AP3B2: variants seen among roughly 807,000 people sequenced by gnomAD.
AP3B2 encodes adaptor related protein complex 3 subunit beta 2.
A neutral mutation model predicts 126.9 loss-of-function variants in AP3B2; 50 were observed. That is an observed-to-expected ratio of 0.39 (90% CI 0.31 to 0.50). AP3B2 has a LOEUF of 0.50. Among genes scored for constraint, AP3B2 ranks in the 20% least tolerant of loss-of-function variants. AP3B2 has a pLI of 0.79. For synonymous variants in AP3B2, 541 were observed against 565.0 expected (o/e 0.96, Z 0.60); for missense variants, 1,177 against 1,426.4 (o/e 0.83, Z 2.82).
intron 1 of AP3B2, among the ~76,000 whole-genome samples, chr15:82,709,248 A>C (rs1272728997): frequency 6.6e-6 from 1 of 152,148 alleles, no homozygotes; most frequent in Admixed American, 6.5e-5. Context: ...ATTTTTGGGA[A>C]GCCAACCCGC....
At chr15:82,688,474 T>G (rs1384361961) in intron 4 of AP3B2, 1 of 702,250 alleles carries the variant, frequency 1.4e-6, no homozygotes, top group African/African-American at 1.7e-5. Context: ...TGGTTCATAC[T>G]AGAAGCAGCC....
At chr15:82,661,349 C>G (rs914958969) in intron 25 of AP3B2, among the ~76,000 whole-genome samples, 1 of 152,188 alleles carries the variant, frequency 6.6e-6, no homozygotes, top group African/African-American at 2.4e-5. Context: ...TAACCATGAT[C>G]TTCCCTCCTC....
At chr15:82,701,310 C>T (rs1004652701) in intron 1 of AP3B2, among the ~76,000 whole-genome samples, 1 of 152,170 alleles carries the variant, frequency 6.6e-6, no homozygotes, top group Admixed American at 6.5e-5. Flanking sequence ...TCCCTTCAGC[C>T]TCTCTCCCAC....
intron 1 of AP3B2, among the ~76,000 whole-genome samples, chr15:82,698,333 C>G (rs1445751623): frequency 6.6e-6 from 1 of 151,950 alleles, no homozygotes; most frequent in Non-Finnish European, 1.5e-5. Context: ...CTACAAACCC[C>G]CCAGACATAT....
rs2048327166 is a variant in AP3B2, at chr15:82,680,841, T to C, written c.767A>G (p.Gln256Arg). Residue 256 changes from glutamine to arginine, a missense_variant, in exon 7 of 27, where the codon CAG becomes CGG. By Grantham distance (43) the Gln-to-Arg change is conservative. Around this residue, in one of 5 missense-constraint regions of AP3B2, gnomAD observed 103 missense variants for 101.4 expected, o/e 1.02. Coordinates refer to ENST00000535359, the MANE Select transcript of AP3B2 (RefSeq NM_001278512.2). The surrounding 1 kb of genome is among the most constrained non-coding windows in gnomAD (Gnocchi z 6.1). ...YARTQFLSPT[Q>R]NESLLEENAE... ...GCCTGGGCTGGGCCCACTTACGTTC[T>C]GGGTGGGGCTCAGGAACTGCGTGCG... The C allele has an allele frequency of 1.2e-6, 2 of 1,613,520 alleles. No homozygotes were observed. The highest frequency in any genetic ancestry group is 2.7e-5 in the African/African-American group (2 of 74,914).
intron 14 of AP3B2, among the ~76,000 whole-genome samples, chr15:82,673,962 G>GTCTA (rs2048200617): frequency 6.6e-6 from 1 of 152,122 alleles, no homozygotes; most frequent in Non-Finnish European, 1.5e-5. Flanking sequence ...TTTCCCCAGG[G>GTCTA]TCTATATCCA....
At chr15:82,700,144 C>T (rs1305043874) in intron 1 of AP3B2, among the ~76,000 whole-genome samples, 1 of 152,172 alleles carries the variant, frequency 6.6e-6, no homozygotes, top group Non-Finnish European at 1.5e-5. Context: ...TCCAATCCCA[C>T]TGCCACAATT....
intron 1 of AP3B2, among the ~76,000 whole-genome samples, chr15:82,700,555 C>T (rs922948752): frequency 6.6e-6 from 1 of 151,472 alleles, no homozygotes; most frequent in African/African-American, 2.4e-5. Context: ...TACACCACCA[C>T]ACCTGGCTAA....
At position 82,663,861 on chromosome 15, in the gene AP3B2, G is replaced by A. The variant is rs766189809; in HGVS notation, c.2376C>T (p.Ser792=). Residue 792 remains serine, a synonymous_variant, in exon 20 of 27, where the codon TCC becomes TCT. Coordinates refer to ENST00000535359, the MANE Select transcript of AP3B2 (RefSeq NM_001278512.2). ...CCTCCTCGGACTCCGATGTCATCTC[G>A]GACTCTGATGAGCTACTGCTGGAAT... The part of the protein sequence containing the change: ...GSDSSSSSSE[S]EMTSESEEEQ... 18 of 1,613,748 alleles carry A rather than the reference G, an allele frequency of 1.1e-5. No homozygotes were observed. The highest frequency in any genetic ancestry group is 6.7e-5 in the East Asian group (3 of 44,882).
At chr15:82,700,893 C>T (rs1436991921) in intron 1 of AP3B2, among the ~76,000 whole-genome samples, 1 of 150,800 alleles carries the variant, frequency 6.6e-6, no homozygotes, top group Non-Finnish European at 1.5e-5. Context: ...TGGAGTCTCA[C>T]TCCGTTGCCC....
chr15:82,680,626 CG>C lies in AP3B2; in HGVS notation c.900del (p.Asp301ThrfsTer21). ...GTGTTGCGCAGCAGCAGCCGGTGGT[CG>C]GGGTCCATGACATAGGGCTTTCGGG... ...APSRKPYVMD[P>X]DHRLLLRNTK... On this transcript the variant is annotated frameshift_variant, in exon 8 of 27. Coordinates refer to ENST00000535359, the MANE Select transcript of AP3B2 (RefSeq NM_001278512.2). LOFTEE classifies it high-confidence loss of function. This position sits in a 1 kb window ranked among gnomAD's most constrained non-coding sequence, Gnocchi z 6.1. 6.3e-7 allele frequency: 1 copy of C among 1,596,406 alleles called. No individual in the cohort carries two copies.
chr15:82,690,878 G>A (rs1262271298), intron 1 of AP3B2, among the ~76,000 whole-genome samples: 1 of 139,710 alleles, frequency 7.2e-6, no homozygotes, highest in African/African-American at 2.6e-5. Context: ...GGATGGTCTC[G>A]ATCTCCTGAC....
chr15:82,683,306 C>T (rs2048376674), intron 4 of AP3B2, among the ~76,000 whole-genome samples: 1 of 152,114 alleles, frequency 6.6e-6, no homozygotes, highest in Non-Finnish European at 1.5e-5. Context: ...ATCCACCCAC[C>T]TCGGCCACCC....
intron 1 of AP3B2, among the ~76,000 whole-genome samples, chr15:82,700,396 G>GGTTTTTTTTTTTTTT (rs1567275643): frequency 8.9e-5 from 1 of 11,270 alleles, no homozygotes. Context: ...GTGGTGGGTG[G>GGTTTTTTTTTTTTTT]CTTTTTTTTT....
At position 82,665,331 on chromosome 15, in the gene AP3B2, G is replaced by A. The variant is rs2048032890; in HGVS notation, c.1972-28C>T. 1.9e-6 allele frequency: 3 copies of A among 1,584,874 alleles called. No homozygotes were observed. The South Asian group carries it at 3.4e-5, about 18-fold the overall frequency. On this transcript the variant is annotated intron_variant, in intron 16 of 26. Coordinates refer to ENST00000535359, the MANE Select transcript of AP3B2 (RefSeq NM_001278512.2). The surrounding 1 kb of genome is among the most constrained non-coding windows in gnomAD (Gnocchi z 4.4). ...GTGTGTGTGGGGGAGGGTGTTAGGA[G>A]GGCTGGGCCGGCACTGCCAGGGCTC...
intron 4 of AP3B2, among the ~76,000 whole-genome samples, chr15:82,683,246 A>C (rs2048375135): frequency 6.6e-6 from 1 of 151,370 alleles, no homozygotes; most frequent in Non-Finnish European, 1.5e-5. Context: ...TTTAGTAGAG[A>C]CGGGGTTTCA....
Position 82,680,917 on chromosome 15 carries a change from CGTCGATCAGCAGGT to C in AP3B2, c.677_690del (p.Asn226SerfsTer53). 1 of 1,613,970 alleles carries C rather than the reference CGTCGATCAGCAGGT, an allele frequency of 6.2e-7. No homozygotes were observed. Among genetic ancestry groups the C allele is most frequent in the African/African-American group, 1.3e-5 (1 of 75,028 alleles). On this transcript the variant is annotated frameshift_variant, in exon 7 of 27. Transcript: ENST00000535359. LOFTEE classifies it high-confidence loss of function. This position sits in a 1 kb window ranked among gnomAD's most constrained non-coding sequence, Gnocchi z 6.1. ...ATGACCACCTGGCCCCACTCCTCCA[CGTCGATCAGCAGGT>C]TACAGAGTTTCCGGTAGTTTTTGTG...
At chr15:82,686,008 A>G (rs1336104122) in intron 4 of AP3B2, 1 of 152,244 alleles carries the variant, frequency 6.6e-6, no homozygotes, top group African/African-American at 2.4e-5. Context: ...TACTTGGAGA[A>G]GGTTTATTAA....
chr15:82,690,940 GC>G (rs1422505613), intron 1 of AP3B2, among the ~76,000 whole-genome samples: 1 of 152,008 alleles, frequency 6.6e-6, no homozygotes, highest in Non-Finnish European at 1.5e-5. Flanking sequence ...ACAGGCATGA[GC>G]CACGCTGGGA....
Sources: gnomAD v4.1 joint callset for allele counts (sites outside exome capture counted in the v4.1 genomes callset) on GRCh38, gnomAD v4.1.1 for gene constraint, gnomAD v4.1.1 regional missense constraint, Gnocchi (gnomAD v3.1) non-coding constraint, MANE v1.5 for transcripts, NCBI Gene and HGNC (gene_info 2026-07-23, HGNC 2026-07-21) for gene names.